The following SGCD variants were observed in gnomAD, a reference collection of about 807,000 sequenced individuals.
The protein encoded by SGCD is delta-sarcoglycan.
A neutral mutation model predicts 36.6 loss-of-function variants in SGCD; 18 were observed. The ratio of observed to expected loss-of-function variants is 0.49; its 90% confidence interval spans 0.34 to 0.73. SGCD has a LOEUF of 0.73. Ranked by LOEUF, SGCD falls within the 30% of genes least tolerant of loss-of-function variation. The pLI is 0.01. For missense variants in SGCD, 387 were observed against 346.7 expected (o/e 1.12, Z -0.92); for synonymous variants, 133 against 130.6 (o/e 1.02, Z -0.12).
At chr5:156,473,893 A>C (rs1238526335) in intron 3 of SGCD, among the ~76,000 whole-genome samples, 1 of 151,930 alleles carries the variant, frequency 6.6e-6, no homozygotes, top group African/African-American at 2.4e-5. Flanking sequence ...GAAGTAACCT[A>C]TCCGATAAAT....
intron 6 of SGCD, among the ~76,000 whole-genome samples, chr5:156,605,749 T>C (rs551642354): frequency 1.3e-5 from 2 of 152,338 alleles, no homozygotes; most frequent in African/African-American, 4.8e-5. Flanking sequence ...TTCTAACTTG[T>C]GTGAGAGGGT....
intron 7 of SGCD, among the ~76,000 whole-genome samples, chr5:156,724,877 G>C (rs1265161395): frequency 1.3e-5 from 2 of 152,166 alleles, no homozygotes; most frequent in Admixed American, 1.3e-4. Context: ...ATATCCTCCA[G>C]CTTGAGATCT....
intron 3 of SGCD, among the ~76,000 whole-genome samples, chr5:156,321,655 G>C (rs1244215933): frequency 6.6e-6 from 1 of 152,032 alleles, no homozygotes; most frequent in Non-Finnish European, 1.5e-5. Context: ...ATCAACATGA[G>C]GACACCATTC....
intron 3 of SGCD, among the ~76,000 whole-genome samples, chr5:156,485,072 A>T (rs1002371573): frequency 2.0e-5 from 3 of 151,968 alleles, no homozygotes; most frequent in African/African-American, 4.8e-5. Context: ...ACTGCAATGC[A>T]TGTGTCTGAC....
At chr5:156,748,360 C>T (rs536568290) in intron 7 of SGCD, among the ~76,000 whole-genome samples, 1 of 152,196 alleles carries the variant, frequency 6.6e-6, no homozygotes, top group South Asian at 2.1e-4. Flanking sequence ...TATATAAGTT[C>T]TACCTCAATA....
chr5:155,780,701 C>T, the SGCD span, among the ~76,000 whole-genome samples: 1 of 152,136 alleles, frequency 6.6e-6, no homozygotes, highest in Non-Finnish European at 1.5e-5. Flanking sequence ...TCCAGAAATA[C>T]ACAGTTGAAT....
At chr5:156,367,858 G>A (rs1770186396) in intron 3 of SGCD, among the ~76,000 whole-genome samples, 1 of 152,196 alleles carries the variant, frequency 6.6e-6, no homozygotes, top group African/African-American at 2.4e-5. Context: ...CATGAACATT[G>A]TGCCAGGATA....
intron 3 of SGCD, among the ~76,000 whole-genome samples, chr5:156,160,660 A>G (rs987563287): frequency 6.6e-6 from 1 of 151,762 alleles, no homozygotes. Flanking sequence ...TTAGCCCTCT[A>G]TAGCATTTAC....
intron 2 of SGCD, among the ~76,000 whole-genome samples, chr5:156,335,547 G>A (rs1768304754): frequency 6.6e-6 from 1 of 152,082 alleles, no homozygotes. Context: ...TAGTGTTCTT[G>A]TTTATCTGTC....
chr5:155,785,833 T>C, the SGCD span, among the ~76,000 whole-genome samples: 1 of 152,198 alleles, frequency 6.6e-6, no homozygotes, highest in Non-Finnish European at 1.5e-5. Flanking sequence ...AGAAGATCAA[T>C]AGAGCTATAA....
Position 156,442,561 on chromosome 5 carries a change from T to G in SGCD, c.193-66040T>G, listed in dbSNP as rs542381518. Among the ~76,000 whole-genome samples the G allele has an allele frequency of 4.6e-5, 7 of 152,344 alleles. No individual in the cohort carries two copies. The East Asian group carries it at 1.3e-3, about 29-fold the overall frequency. ...AGTCCACAGTAGGCAGGCACTTTTG[T>G]AGCCTGCTCATTTCTCTTTCCATTG... is the stretch of plus-strand genomic sequence containing the variant. On this transcript the variant is annotated intron_variant, in intron 3 of 8. Coordinates refer to ENST00000337851, the MANE Select transcript of SGCD (RefSeq NM_000337.6).
the SGCD span, among the ~76,000 whole-genome samples, chr5:155,840,160 C>G: frequency 6.6e-6 from 1 of 151,630 alleles, no homozygotes; most frequent in Non-Finnish European, 1.5e-5. Flanking sequence ...TGAAATTTTT[C>G]CAACTTTGGC....
chr5:156,355,269 C>A (rs1004482452), intron 3 of SGCD, among the ~76,000 whole-genome samples: 1 of 152,232 alleles, frequency 6.6e-6, no homozygotes, highest in Non-Finnish European at 1.5e-5. Context: ...GTGCCCCAGG[C>A]ACTTTCCAAG....
intron 7 of SGCD, among the ~76,000 whole-genome samples, chr5:156,740,524 G>T (rs559091371): frequency 6.6e-6 from 1 of 152,228 alleles, no homozygotes; most frequent in Non-Finnish European, 1.5e-5. Flanking sequence ...TAGCATTAGA[G>T]TGGCAACACA....
chr5:156,473,977 T>G (rs886624067), intron 3 of SGCD, among the ~76,000 whole-genome samples: 2 of 151,820 alleles, frequency 1.3e-5, no homozygotes, highest in Non-Finnish European at 2.9e-5. Context: ...GGTTTTTTTT[T>G]TTTTCTGGAC....
At chr5:156,595,457 T>C (rs1285997886) in intron 6 of SGCD, among the ~76,000 whole-genome samples, 2 of 152,204 alleles carry the variant, frequency 1.3e-5, no homozygotes, top group Admixed American at 6.5e-5. Flanking sequence ...TACAGCAGCC[T>C]GAACTGACTA....
At chr5:156,566,951 T>C (rs779399781) in intron 4 of SGCD, among the ~76,000 whole-genome samples, 3 of 152,162 alleles carry the variant, frequency 2.0e-5, no homozygotes, top group Non-Finnish European at 4.4e-5. Flanking sequence ...TTGGGGAACA[T>C]AGCTTCTTCT....
At chr5:156,533,258 A>T (rs1026394338) in intron 4 of SGCD, among the ~76,000 whole-genome samples, 1 of 151,768 alleles carries the variant, frequency 6.6e-6, no homozygotes, top group Admixed American at 6.6e-5. Flanking sequence ...TTTTTTCTCC[A>T]CTCAAACTGC....
chr5:156,099,455 C>A (rs1209220123), intron 1 of SGCD, among the ~76,000 whole-genome samples: 1 of 152,166 alleles, frequency 6.6e-6, no homozygotes, highest in Admixed American at 6.5e-5. Context: ...CACTTTGTCA[C>A]CCAGAGTGGA....
Sources: allele counts gnomAD v4.1 joint callset (sites outside exome capture counted in the v4.1 genomes callset), GRCh38; gene constraint gnomAD v4.1.1; transcripts MANE v1.5; gene names NCBI Gene and HGNC (gene_info 2026-07-23, HGNC 2026-07-21).